Variants in ABCC2 observed in about 807,000 individuals in gnomAD.
The protein encoded by ABCC2 is ATP binding cassette subfamily C member 2.
In ABCC2, 157 loss-of-function variants were observed where a neutral mutation model predicts 173.4. That is an observed-to-expected ratio of 0.91 (90% CI 0.80 to 1.03). The LOEUF (loss-of-function observed/expected upper bound fraction) is 1.03. Ranked by LOEUF, ABCC2 falls within the 50% of genes least tolerant of loss-of-function variation. The pLI is 0.00. For missense variants in ABCC2, 1,822 were observed against 1,852.3 expected, an observed-to-expected ratio of 0.98 and a Z score of 0.30; for synonymous variants, 657 against 693.5, an observed-to-expected ratio of 0.95 and a Z score of 0.83.
At chr10:99,825,292 T>C (rs1221577913) in intron 19 of ABCC2, among the ~76,000 whole-genome samples, 1 of 152,250 alleles carries the variant, frequency 6.6e-6, no homozygotes, top group African/African-American at 2.4e-5. Flanking sequence ...TCTCAGTACT[T>C]TGATACACTT....
chr10:99,842,160 C>T (rs1329370992), intron 26 of ABCC2, 67 bp downstream of exon 26: 2 of 1,601,444 alleles, frequency 1.2e-6, no homozygotes, highest in African/African-American at 2.7e-5. Context: ...CTGATGTATA[C>T]TGTGGAGTCT....
chr10:99,830,493 C>T, intron 20 of ABCC2, 60 bp downstream of exon 20: 1 of 1,612,338 alleles, frequency 6.2e-7, no homozygotes, highest in Non-Finnish European at 8.5e-7. Flanking sequence ...TGATCTTTTT[C>T]TTTTTCTTCC....
intron 19 of ABCC2, among the ~76,000 whole-genome samples, chr10:99,820,296 C>A (rs1234476376): frequency 6.6e-6 from 1 of 152,124 alleles, no homozygotes; most frequent in African/African-American, 2.4e-5. Context: ...GAGGCTGAGG[C>A]AGGAGAATTG....
chr10:99,810,337 T>C, intron 14 of ABCC2, 119 bp downstream of exon 14: 1 of 779,078 alleles, frequency 1.3e-6, no homozygotes, highest in Non-Finnish European at 2.2e-6. Flanking sequence ...GTCTTGAGCC[T>C]ATGCTTGCAT....
At chr10:99,805,475 T>A (rs1413913435) in intron 11 of ABCC2, 28 bp downstream of exon 11, 2 of 1,608,810 alleles carry the variant, frequency 1.2e-6, no homozygotes, top group Non-Finnish European at 1.7e-6. Context: ...GGTGGCTCTC[T>A]GTGGGTAAGG....
intron 3 of ABCC2, 79 bp downstream of exon 3, chr10:99,792,438 G>A: frequency 6.3e-7 from 1 of 1,582,502 alleles, no homozygotes; most frequent in South Asian, 1.1e-5. Flanking sequence ...CTTTGGGGAT[G>A]AAATTAATTC....
chr10:99,786,848 C>T (rs1305963672), intron 2 of ABCC2, among the ~76,000 whole-genome samples: 1 of 152,092 alleles, frequency 6.6e-6, no homozygotes, highest in Non-Finnish European at 1.5e-5. Flanking sequence ...ACTAAAAATA[C>T]AAAAATTAGC....
rs1564680657 is a variant in ABCC2, at chr10:99,810,197, A to G, written c.1879A>G (p.Ile627Val). 6.2e-7 allele frequency: 1 copy of G among 1,613,562 alleles called. No homozygotes were observed. The highest frequency in any genetic ancestry group is 1.7e-5 in the Admixed American group (1 of 60,008). ...LGGDDLDTSA[I>V]RHDCNFDKAM... ...AGGGGATGACTTGGACACATCTGCCATTCGACATGACTGCAATTTTGGTAA... is the reference window on the plus strand; with the variant it reads ...AGGGGATGACTTGGACACATCTGCCGTTCGACATGACTGCAATTTTGGTAA... Residue 627 changes from isoleucine (I) to valine (V), a missense_variant, in exon 14 of 32, where the codon ATT becomes GTT. Transcript: ENST00000647814.
At position 99,804,164 on chromosome 10, in the gene ABCC2, T is replaced by A; in HGVS notation, c.1355T>A (p.Ile452Asn). The A allele has an allele frequency of 1.2e-6, 2 of 1,614,174 alleles. No homozygotes were observed. The highest frequency in any genetic ancestry group is 1.7e-6 in the Non-Finnish European group (2 of 1,180,030). Residue 452 changes from isoleucine to asparagine, a missense_variant, in exon 10 of 32, where the codon ATC becomes AAC. Physicochemically the swap from Ile to Asn is moderately radical, Grantham distance 149. Transcript: ENST00000647814. ...AGTGTTCTACAGATTGTCTTATCTA[T>A]CTTCTTCCTATGGAGAGAGTTGGGA... is the stretch of plus-strand genomic sequence containing the variant. ...WSSVLQIVLS[I>N]FFLWRELGPS...
chr10:99,792,413 T>C, intron 3 of ABCC2, 54 bp downstream of exon 3: 3 of 1,601,674 alleles, frequency 1.9e-6, no homozygotes, highest in Non-Finnish European at 2.6e-6. Flanking sequence ...CATAGGCATC[T>C]AGGTGAAATG....
chr10:99,785,951 T>A (rs979186465), intron 2 of ABCC2, among the ~76,000 whole-genome samples: 1 of 152,156 alleles, frequency 6.6e-6, no homozygotes, highest in Non-Finnish European at 1.5e-5. Context: ...GGAAGTGGAT[T>A]TCACCTTGAC....
chr10:99,836,615 G>A (rs965870815), intron 25 of ABCC2, among the ~76,000 whole-genome samples: 1 of 152,214 alleles, frequency 6.6e-6, no homozygotes, highest in African/African-American at 2.4e-5. Context: ...TGACATTTGT[G>A]AGCATTTTGT....
At chr10:99,814,507 G>A (rs573985857) in intron 16 of ABCC2, among the ~76,000 whole-genome samples, 2 of 89,406 alleles carry the variant, frequency 2.2e-5, no homozygotes, top group Non-Finnish European at 4.7e-5. Flanking sequence ...ATATGTGTGT[G>A]TATGTGTATA....
In ABCC2 at chr10:99,832,019, T is replaced by C. The variant is rs907087501; in HGVS notation, c.3146T>C (p.Phe1049Ser). Residue 1049 changes from phenylalanine (F) to serine (S), a missense_variant, in exon 23 of 32, where the codon TTC becomes TCC. Coordinates refer to ENST00000647814, the MANE Select transcript of ABCC2 (RefSeq NM_000392.5). ...FIAHFWSAFG[F>S]VHASNILHKQ... ...GCACATTTCTGGAGTGCCTTTGGTT[T>C]CGTCCATGCATCAAATATCTTGCAC... 1 of 1,614,106 alleles carries C rather than the reference T, an allele frequency of 6.2e-7. No individual in the cohort carries two copies. Among genetic ancestry groups the C allele is most frequent in the Non-Finnish European group, 8.5e-7 (1 of 1,180,026 alleles).
intron 29 of ABCC2, 42 bp downstream of exon 29, chr10:99,845,824 G>A (rs1444104274): frequency 2.5e-6 from 4 of 1,575,988 alleles, no homozygotes; most frequent in East Asian, 4.6e-5. Flanking sequence ...GTGGGGAGCA[G>A]CTTGTTTTAC....
chr10:99,849,154 C>T (rs551828997), intron 30 of ABCC2, among the ~76,000 whole-genome samples: 2 of 152,272 alleles, frequency 1.3e-5, no homozygotes, highest in African/African-American at 4.8e-5. Flanking sequence ...CGCTTGAACC[C>T]GGGTGGCGGA....
chr10:99,792,410 A>C, intron 3 of ABCC2, 51 bp downstream of exon 3: 1 of 1,603,368 alleles, frequency 6.2e-7, no homozygotes, highest in Non-Finnish European at 8.5e-7. Context: ...ACCCATAGGC[A>C]TCTAGGTGAA....
chr10:99,844,393 C>T lies in ABCC2; in HGVS notation c.3915C>T (p.Tyr1305=). ...AAGGCAAGATCCAGTTTAACAACTACCAAGTGCGGTACCGACCTGAGCTGG... is the reference window on the plus strand; with the variant it reads ...AAGGCAAGATCCAGTTTAACAACTATCAAGTGCGGTACCGACCTGAGCTGG... ...PSKGKIQFNN[Y]QVRYRPELDL... Residue 1305 remains tyrosine, a synonymous_variant, in exon 28 of 32, where the codon TAC becomes TAT. Transcript: ENST00000647814. 6 of 1,614,228 alleles carry T rather than the reference C, an allele frequency of 3.7e-6. No individual in the cohort carries two copies. Among genetic ancestry groups the T allele is most frequent in the Non-Finnish European group, 4.2e-6 (5 of 1,180,042 alleles).
chr10:99,804,584 G>A (rs2038067856), intron 10 of ABCC2, among the ~76,000 whole-genome samples: 1 of 152,038 alleles, frequency 6.6e-6, no homozygotes, highest in African/African-American at 2.4e-5. Flanking sequence ...GGGATTTGGG[G>A]CCCTGCTTCT....
Sources: gnomAD v4.1 joint callset for allele counts (sites outside exome capture counted in the v4.1 genomes callset) on GRCh38, gnomAD v4.1.1 for gene constraint, MANE v1.5 for transcripts, NCBI Gene and HGNC (gene_info 2026-07-23, HGNC 2026-07-21) for gene names.